The following SLC44A5 variants were observed in gnomAD, a reference collection of about 807,000 sequenced individuals.
SLC44A5 encodes solute carrier family 44 member 5, also known as choline transporter-like protein 5.
SLC44A5 carries 57 observed loss-of-function variants against 101.8 expected under a neutral mutation model. That is an observed-to-expected ratio of 0.56 (90% CI 0.45 to 0.70). The LOEUF (loss-of-function observed/expected upper bound fraction) is 0.70. SLC44A5 is among the 30% of genes least tolerant of loss of function. SLC44A5 has a pLI of 0.00. For synonymous variants in SLC44A5, 281 were observed against 290.9 expected (o/e 0.97, Z 0.35); for missense variants, 737 against 853.1 (o/e 0.86, Z 1.70).
In SLC44A5 at chr1:75,242,032, A is replaced by G. The variant is rs1373231231; in HGVS notation, c.501T>C (p.Asp167=). The change falls in exon 9 of 24, where the codon GAT becomes GAC. Residue 167 remains aspartate (D), a synonymous_variant. Transcript: ENST00000370859. Reference sequence around the variant, plus strand: ...TGCTGGGAAAAATCGCTGTTGGACAATCATCATCCAGTAAAAGCTGTGTGA... The same window carrying G: ...TGCTGGGAAAAATCGCTGTTGGACAGTCATCATCCAGTAAAAGCTGTGTGA... ...KSLTQLLLDD[D]CPTAIFPSKP... The G allele has an allele frequency of 1.2e-6, 2 of 1,612,344 alleles. No individual in the cohort carries two copies. Among genetic ancestry groups the G allele is most frequent in the Non-Finnish European group, 1.7e-6 (2 of 1,178,948 alleles).
chr1:75,307,742 G>A (rs1330256364), intron 4 of SLC44A5, among the ~76,000 whole-genome samples: 1 of 152,184 alleles, frequency 6.6e-6, no homozygotes. Context: ...TTGTCTGACA[G>A]TTCTTTGTTG....
At chr1:75,370,241 C>T (rs1311250039) in intron 3 of SLC44A5, among the ~76,000 whole-genome samples, 1 of 152,152 alleles carries the variant, frequency 6.6e-6, no homozygotes, top group Non-Finnish European at 1.5e-5. Context: ...TATGCTGTAA[C>T]ATAAACTTAT....
At chr1:75,376,508 T>C (rs142592148) in intron 3 of SLC44A5, among the ~76,000 whole-genome samples, 3,041 of 152,276 alleles carry the variant, frequency 0.02, 41 homozygotes, top group Non-Finnish European at 0.034. Flanking sequence ...GCAGACTGCC[T>C]CCTCAAGAGG....
chr1:75,352,065 G>C (rs749143299), intron 3 of SLC44A5, among the ~76,000 whole-genome samples: 19 of 151,794 alleles, frequency 1.3e-4, no homozygotes, highest in Non-Finnish European at 2.4e-4. Flanking sequence ...GGATTTCTTT[G>C]GAGTACTGAT....
chr1:75,393,055 T>A (rs1661897570), intron 3 of SLC44A5, among the ~76,000 whole-genome samples: 1 of 152,150 alleles, frequency 6.6e-6, no homozygotes, highest in Non-Finnish European at 1.5e-5. Context: ...GGTACTCTGC[T>A]CACTATTTGG....
chr1:75,230,743 A>G (rs186284938), intron 12 of SLC44A5, among the ~76,000 whole-genome samples: 9 of 152,104 alleles, frequency 5.9e-5, no homozygotes, highest in Non-Finnish European at 2.9e-5. Context: ...CAGTCTCCCA[A>G]GTAGCTGGGA....
chr1:75,581,185 C>A (rs1673677275), intron 1 of SLC44A5, among the ~76,000 whole-genome samples: 1 of 152,136 alleles, frequency 6.6e-6, no homozygotes, highest in African/African-American at 2.4e-5. Flanking sequence ...CCTTTCATTA[C>A]CAAGAGTATC....
At chr1:75,686,368 C>T in the SLC44A5 span, among the ~76,000 whole-genome samples, 1 of 152,108 alleles carries the variant, frequency 6.6e-6, no homozygotes, top group Non-Finnish European at 1.5e-5. Context: ...TGGAAGCCCT[C>T]CTTAATAAGA....
At chr1:75,504,637 T>C (rs968398272) in intron 2 of SLC44A5, among the ~76,000 whole-genome samples, 2 of 152,072 alleles carry the variant, frequency 1.3e-5, no homozygotes, top group South Asian at 4.1e-4. Flanking sequence ...AAATCTTTTA[T>C]ATAAAGGACC....
chr1:75,316,738 T>C (rs1044154628), intron 4 of SLC44A5, among the ~76,000 whole-genome samples: 2 of 152,254 alleles, frequency 1.3e-5, no homozygotes, highest in African/African-American at 4.8e-5. Flanking sequence ...TTACAATGCT[T>C]CTTTTCTCAT....
intron 2 of SLC44A5, among the ~76,000 whole-genome samples, chr1:75,466,760 G>A (rs946159155): frequency 2.0e-5 from 3 of 151,080 alleles, no homozygotes; most frequent in Non-Finnish European, 4.4e-5. Flanking sequence ...AAAACTGAAA[G>A]CCTTTCCTCT....
At chr1:75,594,725 T>A (rs1674539683) in intron 1 of SLC44A5, among the ~76,000 whole-genome samples, 1 of 151,858 alleles carries the variant, frequency 6.6e-6, no homozygotes, top group African/African-American at 2.4e-5. Flanking sequence ...TTTTTATACC[T>A]TGGAAGAAAA....
the SLC44A5 span, among the ~76,000 whole-genome samples, chr1:75,683,477 A>C: frequency 6.6e-6 from 1 of 151,984 alleles, no homozygotes; most frequent in Non-Finnish European, 1.5e-5. Flanking sequence ...GAAATTGGAA[A>C]TCATCATTCT....
the SLC44A5 span, among the ~76,000 whole-genome samples, chr1:75,638,539 C>A: frequency 6.6e-6 from 1 of 151,950 alleles, no homozygotes; most frequent in Non-Finnish European, 1.5e-5. Context: ...GGAAAGCCAA[C>A]GAAAGAGCCC....
the SLC44A5 span, among the ~76,000 whole-genome samples, chr1:75,723,187 C>G: frequency 6.6e-6 from 1 of 152,162 alleles, no homozygotes; most frequent in East Asian, 1.9e-4. Context: ...TTATAAATGA[C>G]CCTGTCTCCT....
chr1:75,457,259 C>T lies in SLC44A5; in HGVS notation c.14-60638G>A, dbSNP rs558353254. On this transcript the variant is annotated intron_variant, in intron 2 of 23. Coordinates refer to ENST00000370859, the MANE Select transcript of SLC44A5 (RefSeq NM_001130058.2). Reference sequence around the variant, plus strand: ...ACCGTATGCTTGGGACAGTGATAGACACCAGAAGTCCCAAGTGGAGGAGAA... The same window carrying T: ...ACCGTATGCTTGGGACAGTGATAGATACCAGAAGTCCCAAGTGGAGGAGAA... Among the ~76,000 whole-genome samples, 125 of 152,180 alleles carry T rather than the reference C, an allele frequency of 8.2e-4. 1 individual carries two copies. Among genetic ancestry groups the T allele is most frequent in the African/African-American group, 2.9e-3 (122 of 41,514 alleles).
chr1:75,637,580 A>G, the SLC44A5 span, among the ~76,000 whole-genome samples: 2 of 151,976 alleles, frequency 1.3e-5, no homozygotes, highest in Non-Finnish European at 2.9e-5. Flanking sequence ...AAATAATGGT[A>G]TGGTTGTACA....
At chr1:75,239,135 T>C (rs1376349275) in intron 9 of SLC44A5, among the ~76,000 whole-genome samples, 1 of 152,144 alleles carries the variant, frequency 6.6e-6, no homozygotes, top group African/African-American at 2.4e-5. Flanking sequence ...AATTTTTGTC[T>C]GTGAATTCTT....
chr1:75,337,746 C>G (rs1004914205), intron 4 of SLC44A5, among the ~76,000 whole-genome samples: 1 of 152,128 alleles, frequency 6.6e-6, no homozygotes, highest in African/African-American at 2.4e-5. Flanking sequence ...TGACCATCAT[C>G]CCTTCGCCTT....
Sources: allele counts gnomAD v4.1 joint callset (sites outside exome capture counted in the v4.1 genomes callset), GRCh38; gene constraint gnomAD v4.1.1; transcripts MANE v1.5; gene names NCBI Gene and HGNC (gene_info 2026-07-23, HGNC 2026-07-21).